Variants in DYSF observed in about 807,000 individuals in gnomAD.
DYSF encodes dystrophy-associated fer-1-like 1.
Under a neutral mutation model 274.9 loss-of-function variants are expected in DYSF, and 212 were observed. The ratio of observed to expected loss-of-function variants is 0.77; its 90% CI spans 0.69 to 0.86. DYSF has a LOEUF of 0.86. Among genes scored for constraint, DYSF ranks in the 40% least tolerant of loss-of-function variants. The pLI is 0.00. For synonymous variants in DYSF, 1,091 were observed against 1,078.7 expected (o/e 1.01, Z -0.22); for missense variants, 2,666 against 2,783.2 (o/e 0.96, Z 0.95).
chr2:71,547,976 G>A (rs1011217969), intron 17 of DYSF, among the ~76,000 whole-genome samples: 12 of 152,206 alleles, frequency 7.9e-5, no homozygotes, highest in South Asian at 2.1e-4. Flanking sequence ...GTTTGCTTCC[G>A]GTGGTCCCTG....
At chr2:71,655,172 T>C (rs2094745232) in intron 42 of DYSF, among the ~76,000 whole-genome samples, 1 of 151,994 alleles carries the variant, frequency 6.6e-6, no homozygotes, top group Non-Finnish European at 1.5e-5. Context: ...ATTATATATA[T>C]AAAGAAAATA....
At chr2:71,453,772 G>A (rs1437944281) in exon 1 of DYSF, 4 of 586,422 alleles carry the variant, frequency 6.8e-6, no homozygotes, top group Non-Finnish European at 1.2e-5. Context: ...GCTGACAAGC[G>A]GGGTGAGCGC....
At position 71,679,094 on chromosome 2, in the gene DYSF, A is replaced by T. The variant is rs1472179035; in HGVS notation, c.5922A>T (p.Pro1974=). Residue 1974 remains proline, a synonymous_variant, in exon 53 of 56, where the codon CCA becomes CCT. Transcript: ENST00000410020. The part of the protein sequence containing the change: ...LQLDLNRMPK[P]AKTAKKCSLD... ...TCGATCTCAACCGCATGCCCAAGCC[A>T]GCCAAGACAGCCAAGAAGTGCTCCT... 6.2e-7 allele frequency: 1 copy of T among 1,613,920 alleles called. No individual in the cohort carries two copies. The highest frequency in any genetic ancestry group is 1.3e-5 in the African/African-American group (1 of 74,916).
chr2:71,540,498 G>T (rs922257495), intron 17 of DYSF, among the ~76,000 whole-genome samples: 1 of 151,840 alleles, frequency 6.6e-6, no homozygotes, highest in Non-Finnish European at 1.5e-5. Context: ...CATGCCCCTA[G>T]GCTTATTTTG....
At position 71,535,262 on chromosome 2, in the gene DYSF, C is replaced by T. The variant is rs757776087; in HGVS notation, c.1450-6C>T. ...TTCTCCCAACACGCCTCTATTCCTT[C>T]CTCAGTTTCCCTCCATGTGCGAAAA... On this transcript the variant is annotated splice_region_variant and splice_polypyrimidine_tract_variant and intron_variant, in intron 15 of 55. Transcript: ENST00000410020. 54 of 1,613,954 alleles carry T rather than the reference C, an allele frequency of 3.3e-5. No homozygotes were observed. In the South Asian group the frequency reaches 5.5e-4, roughly 16 times the overall value.
intron 14 of DYSF, among the ~76,000 whole-genome samples, chr2:71,533,434 A>G (rs1278584786): frequency 2.6e-5 from 4 of 152,194 alleles, no homozygotes; most frequent in Non-Finnish European, 2.9e-5. Context: ...GTCACTACCT[A>G]GAGGCATCCT....
intron 1 of DYSF, among the ~76,000 whole-genome samples, chr2:71,470,822 A>C (rs1476236150): frequency 4.8e-5 from 5 of 104,172 alleles, no homozygotes; most frequent in African/African-American, 7.8e-5. Flanking sequence ...ATGGACTTTC[A>C]CTCTTATTAC....
intron 5 of DYSF, among the ~76,000 whole-genome samples, chr2:71,512,279 G>T (rs980805926): frequency 6.6e-6 from 1 of 152,178 alleles, no homozygotes; most frequent in East Asian, 1.9e-4. Context: ...GATACCTGAG[G>T]CCCCACAAAC....
At chr2:71,549,497 G>T in intron 17 of DYSF, 4 of 1,101,548 alleles carry the variant, frequency 3.6e-6, no homozygotes, top group Non-Finnish European at 5.4e-6. Context: ...CCTGAGGTGG[G>T]ATTGAGATTC....
At chr2:71,497,893 C>G (rs116725953) in intron 3 of DYSF, among the ~76,000 whole-genome samples, 2,068 of 152,276 alleles carry the variant, frequency 0.014, 43 homozygotes, top group African/African-American at 0.047. Flanking sequence ...GAATCTATAA[C>G]TAAAACTAAG....
chr2:71,573,659 A>G (rs2092599152), intron 29 of DYSF, among the ~76,000 whole-genome samples: 1 of 152,180 alleles, frequency 6.6e-6, no homozygotes, highest in African/African-American at 2.4e-5. Context: ...AAATGACAAG[A>G]AAACTTTGGA....
chr2:71,478,896 C>T (rs2082640257), intron 1 of DYSF, among the ~76,000 whole-genome samples: 1 of 152,106 alleles, frequency 6.6e-6, no homozygotes, highest in African/African-American at 2.4e-5. Context: ...TCCTTGATCC[C>T]TCTCTGCTTC....
chr2:71,665,747 T>C (rs1242159103), intron 47 of DYSF, among the ~76,000 whole-genome samples: 1 of 152,132 alleles, frequency 6.6e-6, no homozygotes, highest in East Asian at 1.9e-4. Flanking sequence ...TCTTCCAAGC[T>C]CCCCACTGAC....
At chr2:71,535,827 G>A (rs114468275) in intron 16 of DYSF, among the ~76,000 whole-genome samples, 2,511 of 152,250 alleles carry the variant, frequency 0.016, 38 homozygotes, top group Admixed American at 0.023. Context: ...GCTCACGGGC[G>A]TCTTAGAAAG....
intron 40 of DYSF, among the ~76,000 whole-genome samples, chr2:71,619,411 C>T (rs1019834797): frequency 1.3e-5 from 2 of 152,112 alleles, no homozygotes; most frequent in African/African-American, 4.8e-5. Flanking sequence ...TGTGTCTTTT[C>T]ACAGAGCAGG....
intron 32 of DYSF, 46 bp downstream of exon 32, chr2:71,590,334 C>T (rs2093224743): frequency 6.2e-7 from 1 of 1,604,918 alleles, no homozygotes; most frequent in Admixed American, 1.7e-5. Context: ...GGGCTGAGAT[C>T]TGGGAATGGA....
At chr2:71,634,095 A>G (rs1436928084) in intron 41 of DYSF, among the ~76,000 whole-genome samples, 3 of 152,128 alleles carry the variant, frequency 2.0e-5, no homozygotes, top group Non-Finnish European at 2.9e-5. Context: ...GAAACTGGAG[A>G]GGCTTCCAGT....
At chr2:71,469,427 T>G (rs2081804444) in intron 1 of DYSF, among the ~76,000 whole-genome samples, 1 of 146,392 alleles carries the variant, frequency 6.8e-6, no homozygotes, top group Admixed American at 6.8e-5. Context: ...CTGTCAAATT[T>G]CCAGGTGTTT....
intron 24 of DYSF, 145 bp downstream of exon 24, chr2:71,564,358 C>A (rs1425915282): frequency 2.5e-6 from 3 of 1,207,340 alleles, no homozygotes; most frequent in African/African-American, 1.5e-5. Context: ...TTGGGTAAAA[C>A]AATTTCCCTT....
Sources: allele counts gnomAD v4.1 joint callset (sites outside exome capture counted in the v4.1 genomes callset), GRCh38; gene constraint gnomAD v4.1.1; transcripts MANE v1.5; gene names NCBI Gene and HGNC (gene_info 2026-07-23, HGNC 2026-07-21).